Variants in GRIA1 observed in about 807,000 individuals in gnomAD.
GRIA1 encodes the protein glutamate ionotropic receptor AMPA type subunit 1, also known as glutamate receptor 1.
In GRIA1, 31 loss-of-function variants were observed where a neutral mutation model predicts 99.2. The ratio of observed to expected loss-of-function variants is 0.31; its 90% CI spans 0.23 to 0.42. The LOEUF (loss-of-function observed/expected upper bound fraction) is 0.42. Among genes scored for constraint, GRIA1 ranks in the 10% least tolerant of loss-of-function variants. GRIA1 has a pLI of 1.00. For synonymous variants in GRIA1, 438 were observed against 432.4 expected (o/e 1.01, Z -0.16); for missense variants, 782 against 1,157.5 (o/e 0.68, Z 4.71).
intron 2 of GRIA1, among the ~76,000 whole-genome samples, chr5:153,612,611 A>G (rs1766091580): frequency 1.3e-5 from 2 of 152,378 alleles, no homozygotes; most frequent in Non-Finnish European, 2.9e-5. Flanking sequence ...GCATATGCAA[A>G]TTGAACTACT....
chr5:153,706,017 G>T lies in GRIA1; in HGVS notation c.1773G>T (p.Leu591Phe). 1 of 1,613,922 alleles carries T rather than the reference G, an allele frequency of 6.2e-7. No individual in the cohort carries two copies. The highest frequency in any genetic ancestry group is 8.5e-7 in the Non-Finnish European group (1 of 1,179,840). Residue 591 changes from leucine (L) to phenylalanine (F), a missense_variant, in exon 11 of 16, where the codon TTG (leucine) becomes TTT (phenylalanine). Around this residue, in one of 5 missense-constraint regions of GRIA1, gnomAD observed 39 missense variants for 43.5 expected, o/e 0.90. Coordinates refer to ENST00000285900, the MANE Select transcript of GRIA1 (RefSeq NM_000827.4). ...QSNEFGIFNSLWFSLGAFMQQ... is the reference protein window; with the variant it reads ...QSNEFGIFNSFWFSLGAFMQQ... ...ATGAGTTTGGGATATTCAACAGTTT[G>T]TGGTTCTCCCTGGGAGCCTTCATGC...
At chr5:153,714,025 G>A (rs1216298811) in intron 11 of GRIA1, among the ~76,000 whole-genome samples, 2 of 152,124 alleles carry the variant, frequency 1.3e-5, no homozygotes, top group South Asian at 2.1e-4. Flanking sequence ...ATCCCAATTC[G>A]ATAGGCGAGG....
intron 2 of GRIA1, among the ~76,000 whole-genome samples, chr5:153,623,943 G>A (rs1767318475): frequency 6.8e-6 from 1 of 147,598 alleles, no homozygotes; most frequent in African/African-American, 2.4e-5. Context: ...TGTTTCTGCA[G>A]CACATTTGTT....
intron 4 of GRIA1, among the ~76,000 whole-genome samples, chr5:153,650,966 G>A (rs1263097596): frequency 6.6e-6 from 1 of 151,048 alleles, no homozygotes; most frequent in Non-Finnish European, 1.5e-5. Flanking sequence ...AGCTACTCAG[G>A]AGGGTGAGAC....
chr5:153,504,229 T>C (rs908449085), intron 2 of GRIA1, among the ~76,000 whole-genome samples: 2 of 151,626 alleles, frequency 1.3e-5, no homozygotes, highest in African/African-American at 4.9e-5. Flanking sequence ...ACCAAAACCA[T>C]ACGGACATGG....
chr5:153,501,801 T>A (rs1160729774), intron 2 of GRIA1, among the ~76,000 whole-genome samples: 1 of 152,188 alleles, frequency 6.6e-6, no homozygotes, highest in Non-Finnish European at 1.5e-5. Context: ...TATGTGGCTC[T>A]CTGTGTGCCC....
At chr5:153,523,118 T>C (rs1757303267) in intron 2 of GRIA1, among the ~76,000 whole-genome samples, 1 of 152,012 alleles carries the variant, frequency 6.6e-6, no homozygotes, top group Non-Finnish European at 1.5e-5. Context: ...TCTCTTGTTC[T>C]CCCTTGTCTG....
intron 2 of GRIA1, among the ~76,000 whole-genome samples, chr5:153,518,426 T>C (rs1756828941): frequency 6.6e-6 from 1 of 152,150 alleles, no homozygotes; most frequent in African/African-American, 2.4e-5. Flanking sequence ...ACCACATAAA[T>C]GAATGAATTT....
At chr5:153,717,378 G>A (rs557165272) in intron 11 of GRIA1, among the ~76,000 whole-genome samples, 2 of 152,202 alleles carry the variant, frequency 1.3e-5, no homozygotes, top group South Asian at 2.1e-4. Context: ...GAGGATGATC[G>A]TGAGCAAGCG....
At chr5:153,650,827 G>C (rs150924880) in intron 4 of GRIA1, among the ~76,000 whole-genome samples, 3,802 of 148,254 alleles carry the variant, frequency 0.026, 187 homozygotes, top group African/African-American at 0.089. Flanking sequence ...GGGAGACTGA[G>C]GCAGGCGGAT....
intron 2 of GRIA1, among the ~76,000 whole-genome samples, chr5:153,511,452 T>C (rs1756065464): frequency 6.6e-6 from 1 of 152,226 alleles, no homozygotes; most frequent in African/African-American, 2.4e-5. Flanking sequence ...CATCTCCAAC[T>C]CAGGCATCTC....
At chr5:153,721,583 G>T (rs1760073331) in intron 11 of GRIA1, among the ~76,000 whole-genome samples, 1 of 152,142 alleles carries the variant, frequency 6.6e-6, no homozygotes, top group African/African-American at 2.4e-5. Context: ...TTTATGAATT[G>T]AACTGTTTTT....
At chr5:153,721,797 G>T (rs1051305687) in intron 11 of GRIA1, among the ~76,000 whole-genome samples, 1 of 152,118 alleles carries the variant, frequency 6.6e-6, no homozygotes, top group African/African-American at 2.4e-5. Context: ...CCCAGTGTAA[G>T]GCCATTATAA....
At chr5:153,600,423 A>C (rs1318728529) in intron 2 of GRIA1, among the ~76,000 whole-genome samples, 1 of 48,934 alleles carries the variant, frequency 2.0e-5, no homozygotes, top group Non-Finnish European at 4.4e-5. Context: ...AAAAGTATGG[A>C]GTTTGTAAGG....
At chr5:153,786,667 T>C (rs568334101) in intron 13 of GRIA1, among the ~76,000 whole-genome samples, 1 of 152,252 alleles carries the variant, frequency 6.6e-6, no homozygotes, top group South Asian at 2.1e-4. Context: ...ACACATCAAA[T>C]AGTAGTAGAC....
At position 153,802,376 on chromosome 5, in the gene GRIA1, C is replaced by A; in HGVS notation, c.2406C>A (p.Ser802Arg). 6.2e-7 allele frequency: 1 copy of A among 1,613,922 alleles called. No homozygotes were observed. Among genetic ancestry groups the A allele is most frequent in the South Asian group, 1.1e-5 (1 of 91,066 alleles). ...GDSKDKTSAL[S>R]LSNVAGVFYI... is the part of the protein sequence containing the mutation. ...CTTAGGACAAGACAAGCGCTCTGAGCCTCAGCAATGTGGCAGGCGTGTTCT... is the reference window on the plus strand; with the variant it reads ...CTTAGGACAAGACAAGCGCTCTGAGACTCAGCAATGTGGCAGGCGTGTTCT... Residue 802 changes from serine to arginine, a missense_variant, in exon 15 of 16, where the codon AGC becomes AGA. Physicochemically the swap from Ser to Arg is moderately radical, Grantham distance 110. This residue lies in a region of GRIA1 where 119 missense variants were observed against 326.6 expected (regional missense o/e 0.36). Coordinates refer to ENST00000285900, the MANE Select transcript of GRIA1 (RefSeq NM_000827.4).
At chr5:153,631,532 A>G (rs759179390) in intron 2 of GRIA1, among the ~76,000 whole-genome samples, 1 of 152,232 alleles carries the variant, frequency 6.6e-6, no homozygotes, top group Non-Finnish European at 1.5e-5. Context: ...TTGAAAGGCT[A>G]TCGGATGAAT....
At chr5:153,669,712 A>G (rs1756011147) in intron 5 of GRIA1, among the ~76,000 whole-genome samples, 1 of 152,260 alleles carries the variant, frequency 6.6e-6, no homozygotes, top group South Asian at 2.1e-4. Flanking sequence ...TATACTTCAT[A>G]GAAGTAACTA....
chr5:153,790,984 C>T (rs575527080), intron 13 of GRIA1, among the ~76,000 whole-genome samples: 2 of 152,250 alleles, frequency 1.3e-5, no homozygotes, highest in African/African-American at 2.4e-5. Context: ...TGAAATACAA[C>T]CTTTTCTGGA....
Sources: gnomAD v4.1 joint callset for allele counts (sites outside exome capture counted in the v4.1 genomes callset) on GRCh38, gnomAD v4.1.1 for gene constraint, gnomAD v4.1.1 regional missense constraint, MANE v1.5 for transcripts, NCBI Gene and HGNC (gene_info 2026-07-23, HGNC 2026-07-21) for gene names.